The following NKAIN2 variants were observed in gnomAD, a reference collection of about 807,000 sequenced individuals.
NKAIN2 encodes sodium/potassium transporting ATPase interacting 2.
In NKAIN2, 14 loss-of-function variants were observed where a neutral mutation model predicts 32.6. That is an observed-to-expected ratio of 0.43 (90% CI 0.28 to 0.67). The LOEUF (loss-of-function observed/expected upper bound fraction) is 0.67, where lower values mean the gene tolerates loss of function less well. NKAIN2 is among the 30% of genes least tolerant of loss of function. NKAIN2 has a pLI of 0.17. For synonymous variants in NKAIN2, 80 were observed against 87.2 expected (o/e 0.92, Z 0.46); for missense variants, 198 against 258.3 (o/e 0.77, Z 1.60).
At chr6:124,728,773 G>C (rs1776473260) in intron 4 of NKAIN2, among the ~76,000 whole-genome samples, 1 of 151,856 alleles carries the variant, frequency 6.6e-6, no homozygotes, top group African/African-American at 2.4e-5. Flanking sequence ...CCAGGAGCTG[G>C]TTTTTTGAAA....
At chr6:124,370,164 G>T (rs1028227117) in intron 3 of NKAIN2, among the ~76,000 whole-genome samples, 3 of 150,870 alleles carry the variant, frequency 2.0e-5, no homozygotes, top group Admixed American at 1.3e-4. Context: ...TAACCAGGGA[G>T]CAATGTTCAG....
chr6:124,281,530 T>G (rs1795297768), intron 1 of NKAIN2, among the ~76,000 whole-genome samples: 1 of 152,204 alleles, frequency 6.6e-6, no homozygotes, highest in African/African-American at 2.4e-5. Context: ...ATTCCACTAT[T>G]GAGACTCTGA....
intron 1 of NKAIN2, among the ~76,000 whole-genome samples, chr6:124,188,277 G>A (rs1789846169): frequency 6.6e-6 from 1 of 152,102 alleles, no homozygotes; most frequent in South Asian, 2.1e-4. Context: ...CTGATTATGG[G>A]GACTAGCTGG....
At chr6:124,140,447 T>C (rs928918552) in intron 1 of NKAIN2, among the ~76,000 whole-genome samples, 2 of 152,168 alleles carry the variant, frequency 1.3e-5, no homozygotes, top group African/African-American at 4.8e-5. Flanking sequence ...ATCTATGCAG[T>C]GGATTTTATG....
chr6:124,761,426 A>G (rs140893855), intron 4 of NKAIN2, among the ~76,000 whole-genome samples: 1,811 of 152,278 alleles, frequency 0.012, 36 homozygotes, highest in African/African-American at 0.042. Context: ...TGCCAGGATG[A>G]GAAAGATGCC....
At chr6:124,110,271 C>CA (rs1469673431) in intron 1 of NKAIN2, among the ~76,000 whole-genome samples, 2 of 151,522 alleles carry the variant, frequency 1.3e-5, no homozygotes, top group Non-Finnish European at 2.9e-5. Flanking sequence ...ACAGAAAGGA[C>CA]AAAAACCCTC....
chr6:124,329,634 T>C (rs1020387066), intron 2 of NKAIN2, among the ~76,000 whole-genome samples: 5 of 152,172 alleles, frequency 3.3e-5, no homozygotes, highest in Admixed American at 6.5e-5. Context: ...CATAGCACCA[T>C]GTAACCATCA....
At chr6:123,935,221 T>C (rs1776445286) in intron 1 of NKAIN2, among the ~76,000 whole-genome samples, 1 of 149,958 alleles carries the variant, frequency 6.7e-6, no homozygotes, top group Admixed American at 6.7e-5. Flanking sequence ...TAATCTTTCT[T>C]GTTTTTTGGT....
At chr6:124,042,116 C>T (rs970912798) in intron 1 of NKAIN2, among the ~76,000 whole-genome samples, 8 of 152,060 alleles carry the variant, frequency 5.3e-5, no homozygotes, top group Admixed American at 4.6e-4. Context: ...GGACTTACCA[C>T]GGAAAGAAAA....
At chr6:124,081,416 T>C (rs1304801322) in intron 1 of NKAIN2, among the ~76,000 whole-genome samples, 1 of 152,156 alleles carries the variant, frequency 6.6e-6, no homozygotes, top group Non-Finnish European at 1.5e-5. Context: ...ACTTAGGTTT[T>C]ACATAAAATT....
rs1780543296 is a variant in NKAIN2, at chr6:124,558,090, A to T, written c.274-100096A>T. Among the ~76,000 whole-genome samples, 4 of 152,240 alleles carry T rather than the reference A, an allele frequency of 2.6e-5. No individual in the cohort carries two copies. In the South Asian group the frequency reaches 8.3e-4, roughly 31 times the overall value. ...ACTGTTCTCTCTCAGGAGAATGTAG[A>T]CTAAATCTCAACCTTTCTCTCTGCA... On this transcript the variant is annotated intron_variant, in intron 3 of 6. Transcript: ENST00000368417.
At chr6:124,134,838 G>T (rs1786654259) in intron 1 of NKAIN2, among the ~76,000 whole-genome samples, 3 of 152,238 alleles carry the variant, frequency 2.0e-5, no homozygotes, top group Admixed American at 1.3e-4. Context: ...TAGGCATATA[G>T]ACATCAGGTT....
rs138006410 is a variant in NKAIN2, at chr6:124,120,213, A to G, written c.55-162792A>G. On this transcript the variant is annotated intron_variant, in intron 1 of 6. Transcript: ENST00000368417. ...TTTAAAAATTTTATTTTAATGCCCT[A>G]TATGTCATGACCACTTAACTACTGA... Among the ~76,000 whole-genome samples the G allele has an allele frequency of 1.5e-4, 23 of 152,280 alleles. No homozygotes were observed. The East Asian group carries it at 3.1e-3, about 20-fold the overall frequency.
At chr6:123,886,631 G>A (rs2873615) in intron 1 of NKAIN2, among the ~76,000 whole-genome samples, 49,232 of 151,924 alleles carry the variant, frequency 0.32, 8,972 homozygotes, top group East Asian at 0.61. Flanking sequence ...ATATATAACT[G>A]CTTTTCTATG....
intron 1 of NKAIN2, among the ~76,000 whole-genome samples, chr6:123,826,320 A>T (rs1254066667): frequency 1.3e-5 from 2 of 152,216 alleles, no homozygotes; most frequent in East Asian, 3.8e-4. Context: ...CTTTATTAAG[A>T]CAAGATCTGG....
At chr6:124,040,377 TTATTTTC>T (rs1781815698) in intron 1 of NKAIN2, among the ~76,000 whole-genome samples, 1 of 151,978 alleles carries the variant, frequency 6.6e-6, no homozygotes, top group Admixed American at 6.6e-5. Flanking sequence ...CATTATATAG[TTATTTTC>T]ATTCTTATTT....
At chr6:124,541,337 G>A (rs1038020769) in intron 3 of NKAIN2, among the ~76,000 whole-genome samples, 1 of 152,142 alleles carries the variant, frequency 6.6e-6, no homozygotes, top group South Asian at 2.1e-4. Flanking sequence ...AATAGCATGA[G>A]CAGCTAACTT....
chr6:123,973,817 G>T (rs996400838), intron 1 of NKAIN2, among the ~76,000 whole-genome samples: 5 of 152,098 alleles, frequency 3.3e-5, no homozygotes, highest in Admixed American at 3.3e-4. Context: ...CTAAAGGATA[G>T]AACTTTTCTG....
intron 1 of NKAIN2, among the ~76,000 whole-genome samples, chr6:123,963,174 A>C (rs1286274377): frequency 1.3e-5 from 2 of 152,182 alleles, no homozygotes; most frequent in African/African-American, 4.8e-5. Context: ...TAGCAGACTG[A>C]GCAGATTGCT....
Sources: gnomAD v4.1 joint callset for allele counts (sites outside exome capture counted in the v4.1 genomes callset) on GRCh38, gnomAD v4.1.1 for gene constraint, MANE v1.5 for transcripts, NCBI Gene and HGNC (gene_info 2026-07-23, HGNC 2026-07-21) for gene names.